TRABD2B: variants seen among roughly 807,000 people sequenced by gnomAD.
TRABD2B encodes metalloprotease TIKI2.
In TRABD2B, 14 loss-of-function variants were observed where a neutral mutation model predicts 40.1. That is an observed-to-expected ratio of 0.35 (90% CI 0.23 to 0.55). The LOEUF (loss-of-function observed/expected upper bound fraction) is 0.55. Among genes scored for constraint, TRABD2B ranks in the 20% least tolerant of loss-of-function variants. The pLI is 0.90. For missense variants in TRABD2B, 541 were observed against 648.6 expected (o/e 0.83, Z 1.80); for synonymous variants, 263 against 277.0 (o/e 0.95, Z 0.50).
intron 2 of TRABD2B, among the ~76,000 whole-genome samples, chr1:47,991,767 G>C (rs557024054): frequency 1.3e-5 from 2 of 152,050 alleles, no homozygotes; most frequent in South Asian, 4.1e-4. Context: ...GTAATGCTGC[G>C]AGGAAAGAAA....
At chr1:47,871,998 C>T (rs12119721) in intron 2 of TRABD2B, among the ~76,000 whole-genome samples, 4,157 of 152,284 alleles carry the variant, frequency 0.027, 90 homozygotes, top group Non-Finnish European at 0.04. Context: ...CTTGCATCTG[C>T]TCTGGGGAAC....
At chr1:47,882,941 C>T (rs11580894) in intron 2 of TRABD2B, among the ~76,000 whole-genome samples, 3,569 of 152,192 alleles carry the variant, frequency 0.023, 115 homozygotes, top group Admixed American at 0.094. Context: ...CCCACAACCC[C>T]CGGCAGGTCT....
intron 2 of TRABD2B, among the ~76,000 whole-genome samples, chr1:47,903,252 C>A (rs1402429336): frequency 6.6e-6 from 1 of 152,124 alleles, no homozygotes; most frequent in African/African-American, 2.4e-5. Flanking sequence ...TCTATACACC[C>A]TCTCCACCTG....
rs77223419 is a variant in TRABD2B, at chr1:47,785,080, C to T, written c.989-6536G>A. 1.8e-4 allele frequency among the ~76,000 whole-genome samples: 27 copies of T among 152,130 alleles called. No individual in the cohort carries two copies. In the East Asian group the frequency reaches 2.1e-3, roughly 12 times the overall value. ...GTAGAGCACAGCAGGATCAAATGCACGGAGGGGAGAGGTGGTGTGGCACGT... is the reference window on the plus strand; with the variant it reads ...GTAGAGCACAGCAGGATCAAATGCATGGAGGGGAGAGGTGGTGTGGCACGT... On this transcript the variant is annotated intron_variant, in intron 4 of 6. Coordinates refer to ENST00000606738, the MANE Select transcript of TRABD2B (RefSeq NM_001194986.2).
At chr1:47,906,263 T>C (rs1041736655) in intron 2 of TRABD2B, among the ~76,000 whole-genome samples, 1 of 152,208 alleles carries the variant, frequency 6.6e-6, no homozygotes. Context: ...TGAAGAAACA[T>C]AACTCATTTA....
intron 2 of TRABD2B, among the ~76,000 whole-genome samples, chr1:47,976,714 G>A (rs564759033): frequency 6.6e-6 from 1 of 152,316 alleles, no homozygotes; most frequent in African/African-American, 2.4e-5. Context: ...GGTAGATAGG[G>A]ATGGAATTCT....
intron 2 of TRABD2B, among the ~76,000 whole-genome samples, chr1:47,812,287 G>A (rs972983656): frequency 1.2e-4 from 18 of 152,208 alleles, no homozygotes; most frequent in Non-Finnish European, 1.8e-4. Context: ...GGAGATGACG[G>A]AAGGCACGGG....
At chr1:47,932,774 C>T (rs1046768556) in intron 2 of TRABD2B, among the ~76,000 whole-genome samples, 1 of 152,112 alleles carries the variant, frequency 6.6e-6, no homozygotes, top group African/African-American at 2.4e-5. Context: ...GTTGACTCTG[C>T]GCAAGTCACT....
chr1:47,823,563 G>A (rs1458228832), intron 2 of TRABD2B, among the ~76,000 whole-genome samples: 3 of 152,204 alleles, frequency 2.0e-5, no homozygotes, highest in Non-Finnish European at 4.4e-5. Context: ...TGGTTCTAGA[G>A]AATGGATATG....
chr1:47,996,723 G>A lies in TRABD2B; in HGVS notation c.67C>T (p.Pro23Ser), dbSNP rs1468500056. 9.0e-6 allele frequency: 11 copies of A among 1,228,206 alleles called. No individual in the cohort carries two copies. The highest frequency in any genetic ancestry group is 1.1e-5 in the Non-Finnish European group (11 of 984,806). 76.1% of individuals were successfully genotyped at this position (1,228,206 alleles called of 1,614,324 possible). ...GGCCGGCACTGTCCTCCGTCCGGGG[G>A]CTGCGGGCGGGCGCGAGCGGTGGCG... ...LLATARARPQ[P>S]PDGGQCRPPG... Residue 23 changes from proline to serine, a missense_variant, in exon 1 of 7, where the codon CCC becomes TCC. Transcript: ENST00000606738. The surrounding 1 kb of genome is among the most constrained non-coding windows in gnomAD (Gnocchi z 4.6).
chr1:47,828,961 C>T (rs958624829), intron 2 of TRABD2B, among the ~76,000 whole-genome samples: 1 of 152,172 alleles, frequency 6.6e-6, no homozygotes, highest in African/African-American at 2.4e-5. Flanking sequence ...GCGTCTGCAT[C>T]GGCCAATGCT....
intron 2 of TRABD2B, among the ~76,000 whole-genome samples, chr1:47,846,108 G>T (rs937453676): frequency 6.6e-6 from 1 of 152,212 alleles, no homozygotes; most frequent in Non-Finnish European, 1.5e-5. Flanking sequence ...GCTATGCAAA[G>T]ACTGCTAGAG....
rs890559475 is a variant in TRABD2B, at chr1:47,853,553, G to A, written c.667-51934C>T. Among the ~76,000 whole-genome samples, 6 of 152,162 alleles carry A rather than the reference G, an allele frequency of 3.9e-5. 1 individual carries two copies. Among genetic ancestry groups the A allele is most frequent in the African/African-American group, 1.4e-4 (6 of 41,428 alleles). ...TTTCAGAACCAGGAAAGTCACGCAG[G>A]AAAGAGTCTAAAAGGATCTCTGGGA... On this transcript the variant is annotated intron_variant, in intron 2 of 6. Coordinates refer to ENST00000606738, the MANE Select transcript of TRABD2B (RefSeq NM_001194986.2).
Position 47,765,375 on chromosome 1 carries a change from T to C in TRABD2B, c.*527A>G, listed in dbSNP as rs1644289426. ...CTAAATTATCTTCCCAGGCCGCGGG[T>C]GCATCCAGCAGAGGGGAGGATGGCC... On this transcript the variant is annotated 3_prime_UTR_variant, in exon 7 of 7. Transcript: ENST00000606738. 6.5e-6 allele frequency: 1 copy of C among 153,618 alleles called. No individual in the cohort carries two copies. Among genetic ancestry groups the C allele is most frequent in the African/African-American group, 2.4e-5 (1 of 41,430 alleles). The allele number at this position is 153,618 out of a possible 1,614,324, so 9.5% of individuals were successfully genotyped here. A position where few individuals can be genotyped will look rare whatever the true frequency, so the allele number is the denominator to read the frequency against.
chr1:47,846,857 T>TAC (rs67359073), intron 2 of TRABD2B, among the ~76,000 whole-genome samples: 5,752 of 106,410 alleles, frequency 0.054, 184 homozygotes, highest in African/African-American at 0.11. Flanking sequence ...AAAACATGCA[T>TAC]ACACACACAC....
intron 2 of TRABD2B, among the ~76,000 whole-genome samples, chr1:47,922,078 T>A (rs1644909383): frequency 6.6e-6 from 1 of 152,230 alleles, no homozygotes; most frequent in African/African-American, 2.4e-5. Context: ...CCACGCCATT[T>A]CTGCCATCTG....
chr1:47,902,641 GT>G (rs1300684368), intron 2 of TRABD2B, among the ~76,000 whole-genome samples: 1 of 152,130 alleles, frequency 6.6e-6, no homozygotes, highest in African/African-American at 2.4e-5. Context: ...GGACTACAGG[GT>G]TACACCACTA....
At chr1:47,828,440 T>C (rs1645205563) in intron 2 of TRABD2B, among the ~76,000 whole-genome samples, 1 of 152,134 alleles carries the variant, frequency 6.6e-6, no homozygotes, top group East Asian at 1.9e-4. Flanking sequence ...CCTTTAATTG[T>C]GCTAGAAAGT....
chr1:47,949,434 G>T (rs1363672245), intron 2 of TRABD2B, among the ~76,000 whole-genome samples: 3 of 141,152 alleles, frequency 2.1e-5, no homozygotes, highest in African/African-American at 5.3e-5. Flanking sequence ...TTGAGACAGG[G>T]TCTCACTCTG....
Sources: allele counts gnomAD v4.1 joint callset (sites outside exome capture counted in the v4.1 genomes callset), GRCh38; gene constraint gnomAD v4.1.1; non-coding constraint Gnocchi (gnomAD v3.1); transcripts MANE v1.5; gene names NCBI Gene and HGNC (gene_info 2026-07-23, HGNC 2026-07-21).